Variants in HS3ST1 observed in about 807,000 individuals in gnomAD.
HS3ST1 encodes the protein heparan sulfate glucosamine 3-O-sulfotransferase 1.
In HS3ST1, 8 loss-of-function variants were observed where a neutral mutation model predicts 20.7. The observed-to-expected ratio is 0.39, with a 90% CI of 0.23 to 0.70. HS3ST1 has a LOEUF of 0.70. Among genes scored for constraint, HS3ST1 ranks in the 30% least tolerant of loss-of-function variants. The pLI is 0.46. For synonymous variants in HS3ST1, 205 were observed against 190.4 expected, an observed-to-expected ratio of 1.08 and a Z score of -0.63; for missense variants, 436 against 423.4, an observed-to-expected ratio of 1.03 and a Z score of -0.26.
intron 1 of HS3ST1, among the ~76,000 whole-genome samples, chr4:11,416,753 T>C (rs942398737): frequency 6.6e-6 from 1 of 152,158 alleles, no homozygotes; most frequent in Non-Finnish European, 1.5e-5. Context: ...TCCCCTTGCT[T>C]TTGCATGGCC....
intron 1 of HS3ST1, among the ~76,000 whole-genome samples, chr4:11,401,470 G>C (rs1448942301): frequency 2.0e-5 from 3 of 151,628 alleles, no homozygotes; most frequent in Non-Finnish European, 4.4e-5. Context: ...TCAGTCTCCC[G>C]AGTAGCTGAG....
rs1027297030 is a variant in HS3ST1 at position 11,395,269 on chromosome 4, T to C, written c.*3813A>G. On this transcript the variant is annotated 3_prime_UTR_variant, in exon 2 of 2. Coordinates refer to ENST00000002596, the MANE Select transcript of HS3ST1 (RefSeq NM_005114.4). ...AAGTGACCTGCCCTGACATGCGACC[T>C]CTGGGAAGATTCTCTATTTCTTAAT... 1.3e-5 allele frequency: 2 copies of C among 152,126 alleles called. No homozygotes were observed. The highest frequency in any genetic ancestry group is 2.9e-5 in the Non-Finnish European group (2 of 68,040). The allele number at this position is 152,126 out of a possible 1,614,324, so 9.4% of individuals were successfully genotyped here. A position where few individuals can be genotyped will look rare whatever the true frequency, so the allele number is the denominator to read the frequency against.
chr4:11,411,437 C>A (rs898264159), intron 1 of HS3ST1, among the ~76,000 whole-genome samples: 3 of 152,156 alleles, frequency 2.0e-5, no homozygotes, highest in Admixed American at 2.0e-4. Context: ...TTGAATATTT[C>A]ATTATACTGA....
chr4:11,416,648 C>A (rs545980015), intron 1 of HS3ST1, among the ~76,000 whole-genome samples: 1 of 152,196 alleles, frequency 6.6e-6, no homozygotes, highest in African/African-American at 2.4e-5. Flanking sequence ...AGGTACTCTC[C>A]GGAGTAGTGC....
chr4:11,399,312 C>G lies in HS3ST1; in HGVS notation c.694G>C (p.Glu232Gln). 6.2e-7 allele frequency: 1 copy of G among 1,614,138 alleles called. No individual in the cohort carries two copies. The highest frequency in any genetic ancestry group is 1.1e-5 in the South Asian group (1 of 91,074). The stretch of plus-strand genomic sequence containing the variant: ...TGCGGCGACAGCTTTAGGAACCTCT[C>G]GACCTTTTGGATCTCAGGGAAGGGG... ...RDPFPEIQKVERFLKLSPQIN... is the reference protein window; with the variant it reads ...RDPFPEIQKVQRFLKLSPQIN... Residue 232 changes from glutamate to glutamine, a missense_variant, in exon 2 of 2, where the codon GAG (glutamate) becomes CAG (glutamine). Glu to Gln is a conservative substitution (Grantham distance 29, BLOSUM62 2). Coordinates refer to ENST00000002596, the MANE Select transcript of HS3ST1 (RefSeq NM_005114.4). This position sits in a 1 kb window ranked among gnomAD's most constrained non-coding sequence, Gnocchi z 5.1.
chr4:11,408,073 T>G (rs79029270), intron 1 of HS3ST1, among the ~76,000 whole-genome samples: 2,074 of 152,288 alleles, frequency 0.014, 23 homozygotes, highest in Middle Eastern at 0.031. Context: ...GATTATTTTG[T>G]CTGCTGAGTT....
intron 1 of HS3ST1, among the ~76,000 whole-genome samples, chr4:11,416,803 A>G (rs961092607): frequency 6.6e-6 from 1 of 152,248 alleles, no homozygotes; most frequent in African/African-American, 2.4e-5. Flanking sequence ...TGTCCCATCA[A>G]GTGCCTGGAA....
At position 11,394,533 on chromosome 4, in the gene HS3ST1, G is replaced by A. The variant is rs553802714; in HGVS notation, c.*4549C>T. 1 of 152,204 alleles carries A rather than the reference G, an allele frequency of 6.6e-6. No individual in the cohort carries two copies. The highest frequency in any genetic ancestry group is 1.5e-5 in the Non-Finnish European group (1 of 68,066). 9.4% of individuals were successfully genotyped at this position (152,204 alleles called of 1,614,324 possible). A position where few individuals can be genotyped will look rare whatever the true frequency, so the allele number is the denominator to read the frequency against. ...CGAAATGAGCTGCTGCCGGTTAGGA[G>A]CATGTTTTATCACGTCCCTGTTGCA... On this transcript the variant is annotated 3_prime_UTR_variant, in exon 2 of 2. Coordinates refer to ENST00000002596, the MANE Select transcript of HS3ST1 (RefSeq NM_005114.4).
At chr4:11,407,828 A>T (rs1253759803) in intron 1 of HS3ST1, among the ~76,000 whole-genome samples, 2 of 152,222 alleles carry the variant, frequency 1.3e-5, no homozygotes, top group Non-Finnish European at 2.9e-5. Flanking sequence ...GAGGCCTGGG[A>T]TTCTGTATTC....
chr4:11,407,505 A>T (rs1458929249), intron 1 of HS3ST1, among the ~76,000 whole-genome samples: 1 of 152,204 alleles, frequency 6.6e-6, no homozygotes, highest in Non-Finnish European at 1.5e-5. Flanking sequence ...CACTGGGATA[A>T]GGATTCCCAT....
chr4:11,411,516 G>A (rs190088731), intron 1 of HS3ST1, among the ~76,000 whole-genome samples: 4 of 152,164 alleles, frequency 2.6e-5, no homozygotes, highest in East Asian at 3.9e-4. Flanking sequence ...TAAACAGGAG[G>A]TGCTGTTTAA....
chr4:11,410,858 C>G (rs950273828), intron 1 of HS3ST1, among the ~76,000 whole-genome samples: 1 of 151,952 alleles, frequency 6.6e-6, no homozygotes, highest in African/African-American at 2.4e-5. Flanking sequence ...CACCATGGCA[C>G]TCCAGCCTGG....
At chr4:11,428,234 C>T (rs1488727660) in intron 1 of HS3ST1, among the ~76,000 whole-genome samples, 13 of 152,236 alleles carry the variant, frequency 8.5e-5, no homozygotes, top group Admixed American at 8.5e-4. Context: ...GGCTTCTCCA[C>T]CCCCAAAGGC....
rs773755490 is a variant in HS3ST1, at chr4:11,399,758, G to T, written c.248C>A (p.Ala83Glu). The change falls in exon 2 of 2, where the codon GCG becomes GAG. Residue 83 changes from alanine (A) to glutamate (E), a missense_variant. Transcript: ENST00000002596. This position sits in a 1 kb window ranked among gnomAD's most constrained non-coding sequence, Gnocchi z 5.1. Reference protein sequence around the residue: ...MLSLHPDVAAAENEVHFFDWE... With the variant: ...MLSLHPDVAAEENEVHFFDWE... ...GTCGAAGAAGTGGACCTCGTTCTCC[G>T]CGGCCGCCACGTCGGGGTGCAGGCT... 1.2e-6 allele frequency: 2 copies of T among 1,613,758 alleles called. No individual in the cohort carries two copies. Among genetic ancestry groups the T allele is most frequent in the Admixed American group, 3.3e-5 (2 of 60,038 alleles).
At chr4:11,424,369 G>A (rs984372824) in intron 1 of HS3ST1, among the ~76,000 whole-genome samples, 4 of 152,090 alleles carry the variant, frequency 2.6e-5, no homozygotes, top group Non-Finnish European at 5.9e-5. Flanking sequence ...GACAAACTAC[G>A]GCCCAGTAGA....
intron 1 of HS3ST1, among the ~76,000 whole-genome samples, chr4:11,418,368 G>A (rs1448717325): frequency 1.3e-5 from 2 of 152,198 alleles, no homozygotes; most frequent in East Asian, 3.8e-4. Flanking sequence ...TCTCTAATGG[G>A]TGCTTTGCAT....
upstream of HS3ST1, among the ~76,000 whole-genome samples, chr4:11,432,366 CA>C (rs2108895439): frequency 6.6e-6 from 1 of 152,222 alleles, no homozygotes; most frequent in Non-Finnish European, 1.5e-5. Context: ...ACTCTTTATC[CA>C]CAAAGGAAAT....
At chr4:11,413,049 C>A (rs1718679456) in intron 1 of HS3ST1, among the ~76,000 whole-genome samples, 1 of 152,152 alleles carries the variant, frequency 6.6e-6, no homozygotes, top group Admixed American at 6.6e-5. Flanking sequence ...AGGGCTCTCA[C>A]CAGAACCCAA....
chr4:11,396,438 C>G lies in HS3ST1; in HGVS notation c.*2644G>C, dbSNP rs565890207. ...CAGGCTGCTCCCGGGCCGGGGTGGT[C>G]TGGACAGGAGACCCACCCCTTCCAC... On this transcript the variant is annotated 3_prime_UTR_variant, in exon 2 of 2. Coordinates refer to ENST00000002596, the MANE Select transcript of HS3ST1 (RefSeq NM_005114.4). 6.6e-6 allele frequency: 1 copy of G among 152,284 alleles called. No homozygotes were observed. The highest frequency in any genetic ancestry group is 2.4e-5 in the African/African-American group (1 of 41,424). 9.4% of individuals were successfully genotyped at this position (152,284 alleles called of 1,614,324 possible).
Sources: allele counts gnomAD v4.1 joint callset (sites outside exome capture counted in the v4.1 genomes callset), GRCh38; gene constraint gnomAD v4.1.1; non-coding constraint Gnocchi (gnomAD v3.1); transcripts MANE v1.5; gene names NCBI Gene and HGNC (gene_info 2026-07-23, HGNC 2026-07-21).